NEU3: variants seen among roughly 807,000 people sequenced by gnomAD.
The protein encoded by NEU3 is sialidase-3.
NEU3 carries 10 observed loss-of-function variants against 11.4 expected under a neutral mutation model. The observed-to-expected ratio is 0.88, with a 90% CI of 0.54 to 1.49. The LOEUF (loss-of-function observed/expected upper bound fraction) is 1.49, where lower values mean the gene tolerates loss of function less well. Among genes scored for constraint, NEU3 ranks in the 40% most tolerant of loss-of-function variants. NEU3 has a pLI of 0.00. For missense variants in NEU3, 529 were observed against 581.8 expected, an observed-to-expected ratio of 0.91 and a Z score of 0.93; for synonymous variants, 212 against 228.2, an observed-to-expected ratio of 0.93 and a Z score of 0.64.
At chr11:74,995,862 T>C (rs990117504) in intron 2 of NEU3, among the ~76,000 whole-genome samples, 1 of 151,994 alleles carries the variant, frequency 6.6e-6, no homozygotes, top group East Asian at 1.9e-4. Context: ...TTTCTTAAAA[T>C]AAGACAATGG....
At chr11:74,985,607 G>A (rs182337750), upstream of NEU3, among the ~76,000 whole-genome samples, 139 of 152,210 alleles carry the variant, frequency 9.1e-4, 2 homozygotes, top group Non-Finnish European at 1.9e-4. Context: ...AAGGACCCAC[G>A]CGACTCAGCA....
chr11:74,997,878 C>A (rs1402795330), intron 2 of NEU3, among the ~76,000 whole-genome samples: 1 of 150,910 alleles, frequency 6.6e-6, no homozygotes, highest in African/African-American at 2.4e-5. Context: ...AAAAAAAGAA[C>A]TTTTTCTTTG....
At chr11:74,982,722 C>A in the NEU3 span, among the ~76,000 whole-genome samples, 760 of 152,172 alleles carry the variant, frequency 5.0e-3, 5 homozygotes, top group African/African-American at 0.017. Flanking sequence ...TGGGGCAGAT[C>A]TACAATAGCA....
At chr11:74,990,600 T>C (rs1948721022) in intron 1 of NEU3, among the ~76,000 whole-genome samples, 1 of 152,182 alleles carries the variant, frequency 6.6e-6, no homozygotes, top group Non-Finnish European at 1.5e-5. Context: ...CCTCAAGTGA[T>C]CTGCCCACCT....
At chr11:74,986,696 C>T (rs540702096), upstream of NEU3, among the ~76,000 whole-genome samples, 22 of 152,182 alleles carry the variant, frequency 1.4e-4, no homozygotes, top group African/African-American at 4.3e-4. Flanking sequence ...AGGGTTTGTC[C>T]GGTTTATTAG....
At chr11:74,983,958 TG>T (rs990922971), upstream of NEU3, among the ~76,000 whole-genome samples, 2 of 152,228 alleles carry the variant, frequency 1.3e-5, no homozygotes, top group African/African-American at 4.8e-5. Context: ...CCCTTGGATA[TG>T]GCTGAAGTCA....
At chr11:74,994,391 T>G in intron 1 of NEU3, 118 bp from the exon 2 acceptor site, 1 of 654,634 alleles carries the variant, frequency 1.5e-6, no homozygotes, top group South Asian at 2.5e-5. Context: ...AAAGAAACAT[T>G]TGAATATATC....
chr11:74,991,702 C>T lies in NEU3; in HGVS notation c.94+2548C>T, dbSNP rs1022613564. 3.9e-5 allele frequency among the ~76,000 whole-genome samples: 6 copies of T among 152,334 alleles called. No individual in the cohort carries two copies. In the East Asian group the frequency reaches 1.2e-3, roughly 29 times the overall value. ...TCCACCTTACTGTAGTCACACTAAACTACTGAGAGGCCCCAAAACTCACTG... is the reference window on the plus strand; with the variant it reads ...TCCACCTTACTGTAGTCACACTAAATTACTGAGAGGCCCCAAAACTCACTG... On this transcript the variant is annotated intron_variant, in intron 1 of 2. Transcript: ENST00000294064.
upstream of NEU3, among the ~76,000 whole-genome samples, chr11:74,987,466 A>G (rs1948676834): frequency 6.6e-6 from 1 of 152,132 alleles, no homozygotes; most frequent in South Asian, 2.1e-4. Flanking sequence ...TGCACCTAAA[A>G]TCAGCCATTT....
chr11:75,006,699 G>T lies in NEU3; in HGVS notation c.*207G>T. 1 of 571,446 alleles carries T rather than the reference G, an allele frequency of 1.7e-6. No individual in the cohort carries two copies. Among genetic ancestry groups the T allele is most frequent in the Non-Finnish European group, 3.0e-6 (1 of 336,166 alleles). 35.4% of individuals were successfully genotyped at this position (571,446 alleles called of 1,614,324 possible). A position where few individuals can be genotyped will look rare whatever the true frequency, so the allele number is the denominator to read the frequency against. On this transcript the variant is annotated 3_prime_UTR_variant, in exon 3 of 3. Coordinates refer to ENST00000294064, the MANE Select transcript of NEU3 (RefSeq NM_006656.6). ...ACTAGGAGTTGGAAGACAAGGATGTGGTCCTGGCTCTGCCACTGGCTTGCT... is the reference window on the plus strand; with the variant it reads ...ACTAGGAGTTGGAAGACAAGGATGTTGTCCTGGCTCTGCCACTGGCTTGCT...
chr11:75,020,323 G>C (rs1394136358), downstream of NEU3, among the ~76,000 whole-genome samples: 1 of 152,206 alleles, frequency 6.6e-6, no homozygotes, highest in Non-Finnish European at 1.5e-5. Context: ...GGGAAGGCAT[G>C]ATTGGTTTTG....
At chr11:75,014,980 A>G (rs987890506), downstream of NEU3, among the ~76,000 whole-genome samples, 1 of 152,240 alleles carries the variant, frequency 6.6e-6, no homozygotes, top group Admixed American at 6.5e-5. Context: ...AGATGTTCAA[A>G]ACATGGGAGC....
chr11:74,999,384 C>T (rs1948821958), intron 2 of NEU3, among the ~76,000 whole-genome samples: 1 of 152,228 alleles, frequency 6.6e-6, no homozygotes, highest in South Asian at 2.1e-4. Flanking sequence ...CAAACTTGTC[C>T]ACTTTAACTC....
chr11:74,986,053 T>C (rs1317814703), upstream of NEU3, among the ~76,000 whole-genome samples: 1 of 152,220 alleles, frequency 6.6e-6, no homozygotes, highest in African/African-American at 2.4e-5. Context: ...AAGGATAACC[T>C]GTTAGGCCTG....
chr11:74,986,965 G>T (rs914223590), upstream of NEU3, among the ~76,000 whole-genome samples: 1 of 152,222 alleles, frequency 6.6e-6, no homozygotes, highest in Non-Finnish European at 1.5e-5. Flanking sequence ...GTATATGTGA[G>T]AGATGCAGGG....
chr11:75,005,030 C>T (rs191044452), intron 2 of NEU3, among the ~76,000 whole-genome samples: 5 of 151,692 alleles, frequency 3.3e-5, no homozygotes, highest in African/African-American at 1.2e-4. Flanking sequence ...TGAAAAGGCT[C>T]ATAGTCTAGA....
chr11:74,989,040 G>C lies in NEU3; in HGVS notation c.-21G>C. 2 of 1,543,108 alleles carry C rather than the reference G, an allele frequency of 1.3e-6. No individual in the cohort carries two copies. Among genetic ancestry groups the C allele is most frequent in the Admixed American group, 2.0e-5 (1 of 50,936 alleles). On this transcript the variant is annotated 5_prime_UTR_variant, in exon 1 of 3. Coordinates refer to ENST00000294064, the MANE Select transcript of NEU3 (RefSeq NM_006656.6). ...CAGTCTCCCCAGCCTTGGGGCCGGT[G>C]CCTCTTCCGGGCTTCGGCGAATGAG...
chr11:75,006,314 A>G lies in NEU3; in HGVS notation c.1208A>G (p.Tyr403Cys), dbSNP rs754929121. The change falls in exon 3 of 3, where the codon TAC becomes TGC. Residue 403 changes from tyrosine (Y) to cysteine (C), a missense_variant. By Grantham distance (194) the Tyr-to-Cys change is radical. Transcript: ENST00000294064. ...ATCTTGCACTGTGGGCCCTGTGGCT[A>G]CTCTGATCTGGCTGCTCTGGAGGAG... ...PWILHCGPCG[Y>C]SDLAALEEEG... The G allele has an allele frequency of 6.2e-6, 10 of 1,613,588 alleles. No individual in the cohort carries two copies. Among genetic ancestry groups the G allele is most frequent in the South Asian group, 1.1e-5 (1 of 91,068 alleles).
intron 2 of NEU3, 178 bp downstream of exon 2, chr11:74,994,898 T>C (rs777359333): frequency 1.4e-6 from 1 of 708,234 alleles, no homozygotes; most frequent in Non-Finnish European, 2.6e-6. Context: ...CAGGGGCACA[T>C]TGGGTCCTCA....
Sources: gnomAD v4.1 joint callset for allele counts (sites outside exome capture counted in the v4.1 genomes callset) on GRCh38, gnomAD v4.1.1 for gene constraint, MANE v1.5 for transcripts, NCBI Gene and HGNC (gene_info 2026-07-23, HGNC 2026-07-21) for gene names.